IQSEC1: variants seen among roughly 807,000 people sequenced by gnomAD.
IQSEC1 encodes IQ motif and Sec7 domain ArfGEF 1, also known as IQ motif and SEC7 domain-containing protein 1.
A neutral mutation model predicts 91.0 loss-of-function variants in IQSEC1; 31 were observed. That is an observed-to-expected ratio of 0.34 (90% confidence interval 0.26 to 0.46). IQSEC1 has a LOEUF of 0.46. Among genes scored for constraint, IQSEC1 ranks in the 20% least tolerant of loss-of-function variants. IQSEC1 has a pLI of 1.00. For synonymous variants in IQSEC1, 699 were observed against 662.6 expected, an observed-to-expected ratio of 1.05 and a Z score of -0.84; for missense variants, 1,388 against 1,575.6, an observed-to-expected ratio of 0.88 and a Z score of 2.02.
Position 12,897,968 on chromosome 3 carries a change from C to T in IQSEC1, c.*3015G>A, listed in dbSNP as rs1398366189. On this transcript the variant is annotated 3_prime_UTR_variant, in exon 14 of 14. Transcript: ENST00000613206. Reference sequence around the variant, plus strand: ...CAAATACATGATTTGATTGTTGTCCCAGAAAAGACTTTTGTCACATTGCCA... The same window carrying T: ...CAAATACATGATTTGATTGTTGTCCTAGAAAAGACTTTTGTCACATTGCCA... 6.6e-6 allele frequency: 1 copy of T among 152,234 alleles called. No individual in the cohort carries two copies. Among genetic ancestry groups the T allele is most frequent in the Admixed American group, 6.5e-5 (1 of 15,286 alleles). 9.4% of individuals were successfully genotyped at this position (152,234 alleles called of 1,614,324 possible). A position where few individuals can be genotyped will look rare whatever the true frequency, so the allele number is the denominator to read the frequency against.
Position 13,194,297 on chromosome 3 carries a change from G to A in IQSEC1, c.273-30164C>T, listed in dbSNP as rs533769043. 3.3e-5 allele frequency among the ~76,000 whole-genome samples: 5 copies of A among 152,230 alleles called. No homozygotes were observed. The East Asian group carries it at 5.8e-4, about 18-fold the overall frequency. ...CAGGGGAGGTTGGGGTGCTCACTCCGCAGCTGCCTCCCGGCTGGGCTGCAG... is the reference window on the plus strand; with the variant it reads ...CAGGGGAGGTTGGGGTGCTCACTCCACAGCTGCCTCCCGGCTGGGCTGCAG... On this transcript the variant is annotated intron_variant, in intron 1 of 15. Transcript: ENST00000648114.
chr3:12,982,260 T>A (rs1455591052), intron 1 of IQSEC1, among the ~76,000 whole-genome samples: 1 of 152,236 alleles, frequency 6.6e-6, no homozygotes, highest in Non-Finnish European at 1.5e-5. Context: ...TCAAGCTTTT[T>A]GGTGTCAGGC....
rs1701568045 is a variant in IQSEC1 at position 12,983,462 on chromosome 3, G to C, written c.24-41597C>G. On this transcript the variant is annotated intron_variant, in intron 1 of 13. Transcript: ENST00000613206. The surrounding 1 kb of genome is among the most constrained non-coding windows in gnomAD (Gnocchi z 4.3). ...CCCCACCTCTCACTGGGTTGGTCTT[G>C]GCAGGTCCAGCCCACCCACCACCTG... Among the ~76,000 whole-genome samples the C allele has an allele frequency of 6.6e-6, 1 of 152,162 alleles. No individual in the cohort carries two copies. The highest frequency in any genetic ancestry group is 1.9e-4 in the East Asian group (1 of 5,198).
chr3:13,240,402 C>A (rs113099056), intron 1 of IQSEC1, among the ~76,000 whole-genome samples: 32 of 152,200 alleles, frequency 2.1e-4, no homozygotes, highest in Admixed American at 1.7e-3. Flanking sequence ...AAAATTAAAA[C>A]CCTGAGCCAT....
At chr3:13,113,163 C>G (rs1201799066) in intron 2 of IQSEC1, among the ~76,000 whole-genome samples, 1 of 152,132 alleles carries the variant, frequency 6.6e-6, no homozygotes, top group Non-Finnish European at 1.5e-5. Flanking sequence ...CAGCTGAGGT[C>G]ACACAGCTTG....
In IQSEC1 at chr3:12,927,354, C is replaced by T. The variant is rs559764306; in HGVS notation, c.1569-2612G>A. Among the ~76,000 whole-genome samples the T allele has an allele frequency of 5.3e-5, 8 of 150,188 alleles. No individual in the cohort carries two copies. In the South Asian group the frequency reaches 1.3e-3, roughly 24 times the overall value. ...CCTCCACGGCAGTGAGTGGGGGAGC[C>T]GGGCTAGGCTCCCCGACCCCTGCTG... On this transcript the variant is annotated intron_variant, in intron 3 of 13. Coordinates refer to ENST00000613206, the MANE Select transcript of IQSEC1 (RefSeq NM_001134382.3).
rs746486310 is a variant in IQSEC1, at chr3:13,184,286, C to A, written c.273-20153G>T. 4.8e-4 allele frequency among the ~76,000 whole-genome samples: 73 copies of A among 152,180 alleles called. 1 individual carries two copies. Among genetic ancestry groups the A allele is most frequent in the Non-Finnish European group, 8.7e-4 (59 of 68,030 alleles). ...AACAAAATGCTAGCAAATAAAATCC[C>A]ACAATGAAGCTGGTCAGCATTGGAA... is the stretch of plus-strand genomic sequence containing the variant. On this transcript the variant is annotated intron_variant, in intron 1 of 15. Transcript: ENST00000648114.
intron 2 of IQSEC1, among the ~76,000 whole-genome samples, chr3:13,161,307 G>A (rs79645366): frequency 2.6e-5 from 4 of 152,140 alleles, no homozygotes; most frequent in East Asian, 1.9e-4. Context: ...GAGGAGAAGC[G>A]GGGGAGGGCC....
At chr3:13,155,155 T>C (rs1193756882) in intron 2 of IQSEC1, among the ~76,000 whole-genome samples, 1 of 152,084 alleles carries the variant, frequency 6.6e-6, no homozygotes, top group East Asian at 1.9e-4. Flanking sequence ...ACTGATAATA[T>C]CAATAAATAA....
At chr3:13,156,066 A>C (rs1193199230) in intron 2 of IQSEC1, among the ~76,000 whole-genome samples, 25 of 3,122 alleles carry the variant, frequency 8.0e-3, no homozygotes, top group African/African-American at 0.022. Flanking sequence ...TAAAAATACA[A>C]AAAAAAAAAA....
intron 1 of IQSEC1, among the ~76,000 whole-genome samples, chr3:13,191,491 T>A (rs1321106321): frequency 7.1e-6 from 1 of 140,804 alleles, no homozygotes; most frequent in African/African-American, 2.7e-5. Flanking sequence ...TTTTTTTTTT[T>A]TTTTTTTTTT....
At chr3:13,006,102 A>G (rs360833) in intron 1 of IQSEC1, among the ~76,000 whole-genome samples, 105,034 of 152,096 alleles carry the variant, frequency 0.69, 36,721 homozygotes, top group Middle Eastern at 0.78. Flanking sequence ...CTAATGATAC[A>G]TATCTTGTGA....
At chr3:13,216,650 T>G (rs998670696) in intron 1 of IQSEC1, among the ~76,000 whole-genome samples, 9 of 152,150 alleles carry the variant, frequency 5.9e-5, no homozygotes, top group African/African-American at 9.7e-5. Flanking sequence ...CTCCCATCAG[T>G]AAACCCACCA....
At chr3:12,910,077 C>T (rs1695421169) in intron 10 of IQSEC1, among the ~76,000 whole-genome samples, 2 of 152,182 alleles carry the variant, frequency 1.3e-5, no homozygotes, top group South Asian at 4.1e-4. Context: ...TATATGCAGC[C>T]CATTACTGCC....
At chr3:13,132,448 T>TG (rs1706636742) in intron 2 of IQSEC1, among the ~76,000 whole-genome samples, 1 of 152,200 alleles carries the variant, frequency 6.6e-6, no homozygotes, top group Non-Finnish European at 1.5e-5. Flanking sequence ...AGTACTCAGC[T>TG]GAATACTCAG....
chr3:13,108,573 A>AC (rs1254950140), intron 2 of IQSEC1, among the ~76,000 whole-genome samples: 1 of 150,884 alleles, frequency 6.6e-6, no homozygotes, highest in Admixed American at 6.6e-5. Context: ...TTGACGAAAC[A>AC]CCCCCCTACA....
In IQSEC1 at chr3:12,900,727, G is replaced by T; in HGVS notation, c.*256C>A. On this transcript the variant is annotated 3_prime_UTR_variant, in exon 14 of 14. Coordinates refer to ENST00000613206, the MANE Select transcript of IQSEC1 (RefSeq NM_001134382.3). ...TTGGCTGGCTCACCGTTTCAAGGCT[G>T]ATGGTGTCTGAGGCCCACCCATCCC... 7.1e-7 allele frequency: 1 copy of T among 1,408,590 alleles called. No individual in the cohort carries two copies. The highest frequency in any genetic ancestry group is 9.2e-7 in the Non-Finnish European group (1 of 1,084,038). The allele number at this position is 1,408,590 out of a possible 1,614,324, so 87.3% of individuals were successfully genotyped here.
At chr3:13,145,811 G>C (rs1355739797) in intron 2 of IQSEC1, among the ~76,000 whole-genome samples, 1 of 133,934 alleles carries the variant, frequency 7.5e-6, no homozygotes, top group Non-Finnish European at 1.6e-5. Flanking sequence ...GGGCGGGGGG[G>C]GGGGGTCCTG....
At chr3:13,253,044 C>T (rs1695225211) in intron 1 of IQSEC1, among the ~76,000 whole-genome samples, 1 of 152,222 alleles carries the variant, frequency 6.6e-6, no homozygotes, top group South Asian at 2.1e-4. Context: ...TTATTATCTA[C>T]GTTTTTGATA....
Sources: allele counts gnomAD v4.1 joint callset (sites outside exome capture counted in the v4.1 genomes callset), GRCh38; gene constraint gnomAD v4.1.1; non-coding constraint Gnocchi (gnomAD v3.1); transcripts MANE v1.5; gene names NCBI Gene and HGNC (gene_info 2026-07-23, HGNC 2026-07-21).